ELP3: variants seen among roughly 807,000 people sequenced by gnomAD.
ELP3 encodes elongator acetyltransferase complex subunit 3.
A neutral mutation model predicts 74.9 loss-of-function variants in ELP3; 56 were observed. That is an observed-to-expected ratio of 0.75 (90% confidence interval 0.60 to 0.93). The LOEUF (loss-of-function observed/expected upper bound fraction) is 0.93. Ranked by LOEUF, ELP3 falls within the 40% of genes least tolerant of loss-of-function variation. The pLI is 0.00. For missense variants in ELP3, 573 were observed against 686.5 expected, an observed-to-expected ratio of 0.83 and a Z score of 1.85; for synonymous variants, 222 against 239.8, an observed-to-expected ratio of 0.93 and a Z score of 0.68.
chr8:28,183,568 C>T (rs1376021887), intron 14 of ELP3, among the ~76,000 whole-genome samples: 2 of 152,174 alleles, frequency 1.3e-5, no homozygotes, highest in African/African-American at 2.4e-5. Flanking sequence ...GGATTACAGG[C>T]ACTCACCACC....
intron 6 of ELP3, among the ~76,000 whole-genome samples, chr8:28,112,153 T>TA (rs1811942115): frequency 1.3e-5 from 2 of 151,958 alleles, no homozygotes; most frequent in Middle Eastern, 3.4e-3. Flanking sequence ...ATTATTATTT[T>TA]TTTTTTTTTA....
At chr8:28,107,085 T>C (rs375182582) in intron 4 of ELP3, among the ~76,000 whole-genome samples, 1 of 152,202 alleles carries the variant, frequency 6.6e-6, no homozygotes, top group East Asian at 1.9e-4. Context: ...CCGTCTCTAC[T>C]AAAAATACAA....
intron 10 of ELP3, among the ~76,000 whole-genome samples, chr8:28,140,845 T>C (rs540345491): frequency 2.0e-5 from 3 of 152,184 alleles, no homozygotes; most frequent in Non-Finnish European, 4.4e-5. Flanking sequence ...TGTTCAGGCA[T>C]GAGTGATGTG....
At chr8:28,110,337 C>T (rs1257319498) in intron 5 of ELP3, 33 bp from the exon 6 acceptor site, 1 of 1,570,392 alleles carries the variant, frequency 6.4e-7, no homozygotes, top group Non-Finnish European at 8.7e-7. Context: ...AGTTTTAATT[C>T]AATGTGGGCA....
intron 5 of ELP3, among the ~76,000 whole-genome samples, chr8:28,108,759 G>C (rs1418739745): frequency 2.0e-5 from 3 of 152,074 alleles, no homozygotes; most frequent in Non-Finnish European, 4.4e-5. Flanking sequence ...ACCCAGCCTG[G>C]AATTTATATT....
At chr8:28,170,933 A>G (rs756403785) in intron 14 of ELP3, among the ~76,000 whole-genome samples, 2 of 152,204 alleles carry the variant, frequency 1.3e-5, no homozygotes, top group East Asian at 1.9e-4. Context: ...AAGTGGAATC[A>G]TAGAGTATCT....
chr8:28,178,296 G>A (rs1158557884), intron 14 of ELP3, among the ~76,000 whole-genome samples: 1 of 152,052 alleles, frequency 6.6e-6, no homozygotes, highest in African/African-American at 2.4e-5. Flanking sequence ...TCGGACCATC[G>A]CACTCTCTAA....
At chr8:28,109,101 G>A (rs1193003830) in intron 5 of ELP3, among the ~76,000 whole-genome samples, 1 of 152,200 alleles carries the variant, frequency 6.6e-6, no homozygotes, top group Admixed American at 6.5e-5. Flanking sequence ...GCAAAGGTAA[G>A]GAGTTTCCAT....
rs1483413643 is a variant in ELP3, at chr8:28,156,098, CTT to C, written c.1191+68_1191+69del. On this transcript the variant is annotated intron_variant, in intron 11 of 14. Coordinates refer to ENST00000256398, the MANE Select transcript of ELP3 (RefSeq NM_018091.6). ...AAAGAGAAATCTGAAACACGAAAGA[CTT>C]TGCCACTACCACCCCTAAAACCAGA... The C allele has an allele frequency of 3.0e-6, 4 of 1,334,102 alleles. No individual in the cohort carries two copies. In the African/African-American group the frequency reaches 4.3e-5, roughly 14 times the overall value. 82.6% of individuals were successfully genotyped at this position (1,334,102 alleles called of 1,614,324 possible).
At chr8:28,128,077 GAA>G (rs2130451629) in intron 7 of ELP3, among the ~76,000 whole-genome samples, 1 of 152,214 alleles carries the variant, frequency 6.6e-6, no homozygotes, top group East Asian at 1.9e-4. Flanking sequence ...CAGAAAGAAG[GAA>G]AATAAATGGG....
Position 28,105,701 on chromosome 8 carries a change from CT to C in ELP3, c.259-1009del, listed in dbSNP as rs1361288169. Among the ~76,000 whole-genome samples, 38 of 152,316 alleles carry C rather than the reference CT, an allele frequency of 2.5e-4. No homozygotes were observed. The South Asian group carries it at 7.5e-3, about 30-fold the overall frequency. ...TGAACACTCTGATTGGCCACAATAC[CT>C]TTAATTCCACCCAGCCCACAGAGTT... On this transcript the variant is annotated intron_variant, in intron 3 of 14. Coordinates refer to ENST00000256398, the MANE Select transcript of ELP3 (RefSeq NM_018091.6).
At chr8:28,140,825 A>C (rs999658199) in intron 10 of ELP3, among the ~76,000 whole-genome samples, 11 of 152,186 alleles carry the variant, frequency 7.2e-5, no homozygotes, top group African/African-American at 2.7e-4. Flanking sequence ...AATACATGTT[A>C]TGTAAGCTTT....
intron 9 of ELP3, among the ~76,000 whole-genome samples, chr8:28,135,789 C>T (rs1027958790): frequency 6.6e-6 from 1 of 152,152 alleles, no homozygotes; most frequent in Admixed American, 6.5e-5. Flanking sequence ...ATTGAGCAGG[C>T]CTTTCGTTAC....
chr8:28,121,215 A>C (rs1812352431), intron 7 of ELP3, among the ~76,000 whole-genome samples: 1 of 152,022 alleles, frequency 6.6e-6, no homozygotes, highest in Non-Finnish European at 1.5e-5. Context: ...CATTGTTGAG[A>C]TTGTATAAGC....
chr8:28,158,308 G>A (rs762798544), intron 11 of ELP3, among the ~76,000 whole-genome samples: 13 of 151,746 alleles, frequency 8.6e-5, no homozygotes, highest in African/African-American at 2.7e-4. Flanking sequence ...GATCTTTTTC[G>A]AATTCTAAAT....
In ELP3 at chr8:28,099,422, A is replaced by G. The variant is rs116224314; in HGVS notation, c.120-406A>G. ...GAAGGCTGGTAGTACATAGAGACCA[A>G]GGATGCTGCTAAACATCCCTCAATT... On this transcript the variant is annotated intron_variant, in intron 2 of 14. Transcript: ENST00000256398. Among the ~76,000 whole-genome samples the G allele has an allele frequency of 9.3e-3, 1,420 of 152,302 alleles. 17 individuals are homozygous for G. Among genetic ancestry groups the G allele is most frequent in the African/African-American group, 0.033 (1,358 of 41,568 alleles).
intron 1 of ELP3, chr8:28,093,707 C>T (rs940652779): frequency 1.2e-5 from 2 of 164,398 alleles, no homozygotes; most frequent in African/African-American, 4.8e-5. Context: ...TAGCAATGAA[C>T]AATTCCACCT....
intron 7 of ELP3, among the ~76,000 whole-genome samples, chr8:28,120,397 A>C (rs910261189): frequency 6.6e-6 from 1 of 152,206 alleles, no homozygotes; most frequent in Non-Finnish European, 1.5e-5. Context: ...TGAAGTATCT[A>C]TTAAAATCTT....
Position 28,132,301 on chromosome 8 carries a change from G to A in ELP3, c.803G>A (p.Cys268Tyr). The change falls in exon 9 of 15, where the codon TGT becomes TAT. Residue 268 changes from cysteine to tyrosine, a missense_variant. Cys to Tyr is a radical substitution (Grantham distance 194, BLOSUM62 -2). Transcript: ENST00000256398. ...AGGGGCCACACTGTGAAGGCAGTGT[G>A]TGAGTCATTTCACCTGGCCAAAGAT... ...TNRGHTVKAVCESFHLAKDSG... is the reference protein window; with the variant it reads ...TNRGHTVKAVYESFHLAKDSG... The A allele has an allele frequency of 1.2e-6, 2 of 1,614,096 alleles. No homozygotes were observed. Among genetic ancestry groups the A allele is most frequent in the Non-Finnish European group, 1.7e-6 (2 of 1,179,982 alleles).
Sources: allele counts gnomAD v4.1 joint callset (sites outside exome capture counted in the v4.1 genomes callset), GRCh38; gene constraint gnomAD v4.1.1; transcripts MANE v1.5; gene names NCBI Gene and HGNC (gene_info 2026-07-23, HGNC 2026-07-21).